The following MBOAT4 variants were observed in gnomAD, a reference collection of about 807,000 sequenced individuals.
MBOAT4 encodes the protein membrane bound ghrelin O-acyltransferase MBOAT4.
Under a neutral mutation model 13.2 loss-of-function variants are expected in MBOAT4, and 11 were observed. That is an observed-to-expected ratio of 0.84 (90% CI 0.53 to 1.38). MBOAT4 has a LOEUF of 1.38. Among genes scored for constraint, MBOAT4 ranks in the 40% most tolerant of loss-of-function variants. The pLI is 0.00. For synonymous variants in MBOAT4, 202 were observed against 210.3 expected (o/e 0.96, Z 0.34); for missense variants, 481 against 527.2 (o/e 0.91, Z 0.86).
intron 1 of MBOAT4, among the ~76,000 whole-genome samples, chr8:30,139,547 C>T (rs1157448137): frequency 6.6e-6 from 1 of 152,230 alleles, no homozygotes; most frequent in Non-Finnish European, 1.5e-5. Context: ...GGAGACTCAA[C>T]ACTTCCCTTC....
chr8:30,137,550 C>T, intron 2 of MBOAT4: 2 of 1,313,306 alleles, frequency 1.5e-6, no homozygotes, highest in Non-Finnish European at 1.1e-6. Context: ...CAACACGTGG[C>T]AGTGATGATT....
chr8:30,137,602 A>T, intron 2 of MBOAT4: 1 of 896,520 alleles, frequency 1.1e-6, no homozygotes, highest in South Asian at 1.7e-5. Flanking sequence ...TGAAACTGCC[A>T]TTGCAAAATT....
chr8:30,140,925 C>T (rs1391784361), intron 1 of MBOAT4, among the ~76,000 whole-genome samples: 1 of 151,684 alleles, frequency 6.6e-6, no homozygotes, highest in Non-Finnish European at 1.5e-5. Flanking sequence ...GCAGCCTTGA[C>T]CCCCCCGGCT....
At chr8:30,137,215 C>A in intron 2 of MBOAT4, 2 of 1,294,882 alleles carry the variant, frequency 1.5e-6, no homozygotes, top group Non-Finnish European at 2.2e-6. Flanking sequence ...AGGGATCTTG[C>A]TGATTCATGA....
chr8:30,144,489 C>T lies in MBOAT4; in HGVS notation c.113G>A (p.Arg38His), dbSNP rs146198999. 597 of 1,546,920 alleles carry T rather than the reference C, an allele frequency of 3.9e-4. No individual in the cohort carries two copies. Among genetic ancestry groups the T allele is most frequent in the Non-Finnish European group, 5.0e-4 (572 of 1,143,204 alleles). ...YLCIMDSFST[R>H]ARYLFLLTGG... ...AAATAGCCATCCAGCCTACCTGGCA[C>T]GAGTGGAGAATGAATCCATGATGCA... The change falls in exon 1 of 3, where the codon CGT (arginine) becomes CAT (histidine). Residue 38 changes from arginine to histidine, a missense_variant. Transcript: ENST00000320542.
chr8:30,144,429 C>T, intron 1 of MBOAT4, 54 bp downstream of exon 1: 1 of 1,340,606 alleles, frequency 7.5e-7, no homozygotes, highest in African/African-American at 1.5e-5. Flanking sequence ...AGCCACCGCA[C>T]CCAGTCACTA....
intron 2 of MBOAT4, 197 bp downstream of exon 2, chr8:30,138,335 A>C (rs1031487233): frequency 1.9e-6 from 1 of 519,862 alleles, no homozygotes; most frequent in African/African-American, 1.9e-5. Context: ...ACAATCTTGC[A>C]ACACAGTATT....
Position 30,132,719 on chromosome 8 carries a change from C to A in MBOAT4, c.532G>T (p.Gly178Cys). 2 of 1,551,770 alleles carry A rather than the reference C, an allele frequency of 1.3e-6. No individual in the cohort carries two copies. The highest frequency in any genetic ancestry group is 8.7e-7 in the Non-Finnish European group (1 of 1,147,018). The change falls in exon 3 of 3, where the codon GGC (glycine) becomes TGC (cysteine). Residue 178 changes from glycine to cysteine, a missense_variant. Transcript: ENST00000320542. ...YLLFFPALLG[G>C]SLCSFQRFQA... Reference sequence around the variant, plus strand: ...AATCGCTGGAAGGAGCACAGAGAGCCTCCCAGGAGAGCAGGGAAAAAGAGC... The same window carrying A: ...AATCGCTGGAAGGAGCACAGAGAGCATCCCAGGAGAGCAGGGAAAAAGAGC...
chr8:30,139,092 AG>A (rs1056480092), intron 1 of MBOAT4, among the ~76,000 whole-genome samples: 5 of 150,962 alleles, frequency 3.3e-5, no homozygotes, highest in African/African-American at 9.8e-5. Flanking sequence ...CCTACCTGGG[AG>A]GGACTACAGG....
In MBOAT4 at chr8:30,132,351, A is replaced by G; in HGVS notation, c.900T>C (p.Ser300=). 3.9e-6 allele frequency: 6 copies of G among 1,551,754 alleles called. No homozygotes were observed. Among genetic ancestry groups the G allele is most frequent in the Non-Finnish European group, 5.2e-6 (6 of 1,147,014 alleles). The change falls in exon 3 of 3, where the codon TCT becomes TCC. Residue 300 remains serine (S), a synonymous_variant. Transcript: ENST00000320542. Reference sequence around the variant, plus strand: ...TTTGGTTCCACTTTCTTGAGAACACAGATATCCTGTGGGTTCTTTCCAGGG... The same window carrying G: ...TTTGGTTCCACTTTCTTGAGAACACGGATATCCTGTGGGTTCTTTCCAGGG... ...IWTLERTHRI[S]VFSRKWNQST...
rs1363321884 is a variant in MBOAT4, at chr8:30,131,977, A to G, written c.1274T>C (p.Leu425Ser). Residue 425 changes from leucine to serine, a missense_variant, in exon 3 of 3, where the codon TTG (leucine) becomes TCG (serine). Coordinates refer to ENST00000320542, the MANE Select transcript of MBOAT4 (RefSeq NM_001100916.2). ...TTTGTGCTTTCTCTTCGCCAATAGC[A>G]AAAGCAGAATACAGTACACCATGGG... ...VFPMVYCILLLLLAKRKHKCN is the reference protein window; with the variant it reads ...VFPMVYCILLSLLAKRKHKCN The G allele has an allele frequency of 6.4e-7, 1 of 1,550,850 alleles. No individual in the cohort carries two copies. The highest frequency in any genetic ancestry group is 8.7e-7 in the Non-Finnish European group (1 of 1,146,156).
At position 30,131,936 on chromosome 8, in the gene MBOAT4, A is replaced by G. The variant is rs767663889; in HGVS notation, c.*7T>C. On this transcript the variant is annotated 3_prime_UTR_variant, in exon 3 of 3. Coordinates refer to ENST00000320542, the MANE Select transcript of MBOAT4 (RefSeq NM_001100916.2). ...TGGGTGTTTAAGGTGAAAGCCAGGGAAAGATGTCAGTTACATTTGTGCTTT... is the reference window on the plus strand; with the variant it reads ...TGGGTGTTTAAGGTGAAAGCCAGGGGAAGATGTCAGTTACATTTGTGCTTT... The G allele has an allele frequency of 6.5e-7, 1 of 1,539,054 alleles. No homozygotes were observed.
chr8:30,144,162 G>T (rs1585490617), intron 1 of MBOAT4, among the ~76,000 whole-genome samples: 1 of 148,216 alleles, frequency 6.7e-6, no homozygotes, highest in South Asian at 2.1e-4. Flanking sequence ...TTAGATAGAG[G>T]CTTGCTCCGT....
intron 2 of MBOAT4, among the ~76,000 whole-genome samples, chr8:30,136,401 T>A (rs1803141066): frequency 6.6e-6 from 1 of 152,184 alleles, no homozygotes; most frequent in Non-Finnish European, 1.5e-5. Context: ...CCAGCCCTGC[T>A]GACGTCATCA....
At position 30,132,394 on chromosome 8, in the gene MBOAT4, G is replaced by T; in HGVS notation, c.857C>A (p.Pro286His). The part of the protein sequence containing the change: ...GQSPGEEGYV[P>H]DADIWTLERT... Reference sequence around the variant, plus strand: ...TTCCAGGGTCCAGATGTCTGCATCGGGGACATATCCCTCCTCTCCAGGGCT... The same window carrying T: ...TTCCAGGGTCCAGATGTCTGCATCGTGGACATATCCCTCCTCTCCAGGGCT... Residue 286 changes from proline to histidine, a missense_variant, in exon 3 of 3, where the codon CCC becomes CAC. Physicochemically the swap from Pro to His is moderately conservative, Grantham distance 77 (BLOSUM62 -2). Coordinates refer to ENST00000320542, the MANE Select transcript of MBOAT4 (RefSeq NM_001100916.2). 1 of 1,551,742 alleles carries T rather than the reference G, an allele frequency of 6.4e-7. No homozygotes were observed. Among genetic ancestry groups the T allele is most frequent in the Non-Finnish European group, 8.7e-7 (1 of 1,147,012 alleles).
At position 30,132,686 on chromosome 8, in the gene MBOAT4, GA is replaced by G. The variant is rs1563220692; in HGVS notation, c.564del (p.Arg189ValfsTer17). ...GSLCSFQRFQ[A>X]RVQGSSALHP... Reference sequence around the variant, plus strand: ...TGCAAAGCACTGGACCCTTGAACACGAGCCTGAAATCGCTGGAAGGAGCACA... The same window carrying G: ...TGCAAAGCACTGGACCCTTGAACACGGCCTGAAATCGCTGGAAGGAGCACA... On this transcript the variant is annotated frameshift_variant, in exon 3 of 3. Coordinates refer to ENST00000320542, the MANE Select transcript of MBOAT4 (RefSeq NM_001100916.2). LOFTEE classifies it low-confidence loss of function (END_TRUNC). 2 of 1,551,712 alleles carry G rather than the reference GA, an allele frequency of 1.3e-6. No homozygotes were observed. The highest frequency in any genetic ancestry group is 2.4e-5 in the East Asian group (1 of 40,918).
At position 30,132,248 on chromosome 8, in the gene MBOAT4, C is replaced by T. The variant is rs1263582595; in HGVS notation, c.1003G>A (p.Ala335Thr). The T allele has an allele frequency of 1.3e-6, 2 of 1,551,806 alleles. No homozygotes were observed. The highest frequency in any genetic ancestry group is 2.0e-5 in the Admixed American group (1 of 51,006). ...CCTGGATGGAGTCCATGCCACCAGG[C>T]AGAGAAGGCAAATGTCTGCAACAAC... ...WPLLQTFAFS[A>T]WWHGLHPGQV... The change falls in exon 3 of 3, where the codon GCC becomes ACC. Residue 335 changes from alanine (A) to threonine (T), a missense_variant. Transcript: ENST00000320542.
intron 1 of MBOAT4, among the ~76,000 whole-genome samples, chr8:30,142,019 C>A (rs1336374059): frequency 6.6e-6 from 1 of 152,158 alleles, no homozygotes; most frequent in Non-Finnish European, 1.5e-5. Flanking sequence ...AAAGGGGGAA[C>A]ATTTATCCTT....
At chr8:30,140,096 G>A (rs1803236794) in intron 1 of MBOAT4, among the ~76,000 whole-genome samples, 1 of 152,156 alleles carries the variant, frequency 6.6e-6, no homozygotes, top group Non-Finnish European at 1.5e-5. Flanking sequence ...GGAGTGCAGA[G>A]GTGCGATGTT....
Sources: allele counts gnomAD v4.1 joint callset (sites outside exome capture counted in the v4.1 genomes callset), GRCh38; gene constraint gnomAD v4.1.1; transcripts MANE v1.5; gene names NCBI Gene and HGNC (gene_info 2026-07-23, HGNC 2026-07-21).